DYNC2H1: variants seen among roughly 807,000 people sequenced by gnomAD.
DYNC2H1 encodes dynein cytoplasmic 2 heavy chain 1, also known as cytoplasmic dynein 2 heavy chain 1.
DYNC2H1 carries 410 observed loss-of-function variants against 570.0 expected under a neutral mutation model. The ratio of observed to expected loss-of-function variants is 0.72; its 90% CI spans 0.66 to 0.78. The LOEUF (loss-of-function observed/expected upper bound fraction) is 0.78, where lower values mean the gene tolerates loss of function less well. Among genes scored for constraint, DYNC2H1 ranks in the 30% least tolerant of loss-of-function variants. The pLI is 0.00. For synonymous variants in DYNC2H1, 1,688 were observed against 1,677.6 expected (o/e 1.01, Z -0.15); for missense variants, 4,865 against 5,046.4 (o/e 0.96, Z 1.09).
In DYNC2H1 at chr11:103,171,054, C is replaced by A. The variant is rs1257935302; in HGVS notation, c.5320C>A (p.Leu1774Met). ...ALKNHRTVCELLGKEVEVNSN... is the reference protein window; with the variant it reads ...ALKNHRTVCEMLGKEVEVNSN... ...GAAGAATCATAGAACTGTATGTGAACTGCTTGGCAAGGAGGTATAGAATAT... is the reference window on the plus strand; with the variant it reads ...GAAGAATCATAGAACTGTATGTGAAATGCTTGGCAAGGAGGTATAGAATAT... Residue 1774 changes from leucine to methionine, a missense_variant, in exon 34 of 89, where the codon CTG becomes ATG. By Grantham distance (15) the Leu-to-Met change is conservative (BLOSUM62 2). Transcript: ENST00000375735. 1 of 1,598,208 alleles carries A rather than the reference C, an allele frequency of 6.3e-7. No homozygotes were observed. Among genetic ancestry groups the A allele is most frequent in the South Asian group, 1.1e-5 (1 of 88,242 alleles).
At chr11:103,294,325 T>A (rs1418712485) in intron 75 of DYNC2H1, among the ~76,000 whole-genome samples, 2 of 152,020 alleles carry the variant, frequency 1.3e-5, no homozygotes, top group Non-Finnish European at 2.9e-5. Context: ...GTCTTCAGAG[T>A]CTGGACTTGT....
intron 83 of DYNC2H1, among the ~76,000 whole-genome samples, chr11:103,373,845 C>CT (rs1419652500): frequency 6.6e-6 from 1 of 152,022 alleles, no homozygotes; most frequent in Non-Finnish European, 1.5e-5. Context: ...ATAATATGTG[C>CT]TTTTTATATT....
intron 82 of DYNC2H1, among the ~76,000 whole-genome samples, chr11:103,330,721 T>A (rs1938741252): frequency 6.6e-6 from 1 of 151,914 alleles, no homozygotes; most frequent in African/African-American, 2.4e-5. Context: ...GCTATTCTCT[T>A]CATCTCCTTC....
intron 37 of DYNC2H1, among the ~76,000 whole-genome samples, 182 bp downstream of exon 37, chr11:103,176,616 A>C (rs1358947883): frequency 6.6e-6 from 1 of 152,086 alleles, no homozygotes; most frequent in African/African-American, 2.4e-5. Flanking sequence ...GCTCTTATCA[A>C]ATATTCTTGT....
At chr11:103,121,208 T>C (rs1180069783) in intron 9 of DYNC2H1, among the ~76,000 whole-genome samples, 164 bp from the exon 10 acceptor site, 2 of 152,242 alleles carry the variant, frequency 1.3e-5, no homozygotes, top group Non-Finnish European at 2.9e-5. Context: ...TAACAAGTTA[T>C]TATAATTCGC....
rs1862633305 is a variant in DYNC2H1 at position 103,199,491 on chromosome 11, C to A, written c.8088+15C>A. The A allele has an allele frequency of 2.6e-6, 4 of 1,535,902 alleles. No individual in the cohort carries two copies. Among genetic ancestry groups the A allele is most frequent in the Non-Finnish European group, 3.5e-6 (4 of 1,140,992 alleles). On this transcript the variant is annotated intron_variant, in intron 49 of 88. Coordinates refer to ENST00000375735, the MANE Select transcript of DYNC2H1 (RefSeq NM_001377.3). This position sits in a 1 kb window ranked among gnomAD's most constrained non-coding sequence, Gnocchi z 4.6. The stretch of plus-strand genomic sequence containing the variant: ...ATCTCAAACATGTGAGTTGCCCACT[C>A]TCTTTTGCTTTATTTGGTTTTAAAT...
At position 103,323,898 on chromosome 11, in the gene DYNC2H1, G is replaced by A; in HGVS notation, c.11947G>A (p.Val3983Ile). 1 of 1,612,188 alleles carries A rather than the reference G, an allele frequency of 6.2e-7. No homozygotes were observed. Among genetic ancestry groups the A allele is most frequent in the Non-Finnish European group, 8.5e-7 (1 of 1,178,852 alleles). The change falls in exon 82 of 89, where the codon GTC (valine) becomes ATC (isoleucine). Residue 3983 changes from valine (V) to isoleucine (I), a missense_variant. Val to Ile is a conservative substitution (Grantham distance 29). This residue lies in a region of DYNC2H1 where 2,401 missense variants were observed against 2,454.6 expected (regional missense o/e 0.98). Coordinates refer to ENST00000375735, the MANE Select transcript of DYNC2H1 (RefSeq NM_001377.3). The part of the protein sequence containing the change: ...QSCSILDYRA[V>I]IEKIPEDDKP... ...TCTTTATATTTAGGACTATCGTGCT[G>A]TCATTGAGAAAATTCCAGAGGACGA...
In DYNC2H1 at chr11:103,186,378, G is replaced by T. The variant is rs759771868; in HGVS notation, c.6770G>T (p.Gly2257Val). 2 of 1,612,800 alleles carry T rather than the reference G, an allele frequency of 1.2e-6. No homozygotes were observed. Among genetic ancestry groups the T allele is most frequent in the South Asian group, 2.2e-5 (2 of 91,070 alleles). The change falls in exon 42 of 89, where the codon GGC (glycine) becomes GTC (valine). Residue 2257 changes from glycine (G) to valine (V), a missense_variant. Transcript: ENST00000375735. The surrounding 1 kb of genome is among the most constrained non-coding windows in gnomAD (Gnocchi z 4.5). ...EDLTADDFSN[G>V]LTLPVIQTPD... ...TTGACTGCTGATGATTTCAGTAACG[G>T]CTTAACTCTTCCAGTCATTCAGACT...
intron 83 of DYNC2H1, among the ~76,000 whole-genome samples, chr11:103,381,927 T>G (rs954551335): frequency 7.9e-5 from 12 of 152,350 alleles, no homozygotes; most frequent in African/African-American, 2.9e-4. Flanking sequence ...TAACATCTTA[T>G]TTTTGTGTAA....
At chr11:103,110,570 C>T (rs1858066337) in intron 1 of DYNC2H1, among the ~76,000 whole-genome samples, 2 of 152,046 alleles carry the variant, frequency 1.3e-5, no homozygotes, top group South Asian at 2.1e-4. Context: ...ATGTGATATA[C>T]TGATTTATTA....
intron 83 of DYNC2H1, among the ~76,000 whole-genome samples, chr11:103,377,931 T>C (rs1809844898): frequency 1.2e-5 from 1 of 82,340 alleles, no homozygotes; most frequent in Non-Finnish European, 2.8e-5. Flanking sequence ...GAGACAGGGT[T>C]TCACCATGTT....
intron 13 of DYNC2H1, among the ~76,000 whole-genome samples, chr11:103,132,090 A>G (rs1859307896): frequency 6.6e-6 from 1 of 152,110 alleles, no homozygotes; most frequent in Non-Finnish European, 1.5e-5. Flanking sequence ...TATAATGCTT[A>G]GGAAGCATGT....
At chr11:103,316,321 TA>T (rs1937837658) in intron 79 of DYNC2H1, among the ~76,000 whole-genome samples, 1 of 152,058 alleles carries the variant, frequency 6.6e-6, no homozygotes, top group Non-Finnish European at 1.5e-5. Flanking sequence ...CATAACTAAC[TA>T]AAACTAGTAT....
rs377283662 is a variant in DYNC2H1, at chr11:103,171,086, A to T, written c.5334+18A>T. 6.5e-7 allele frequency: 1 copy of T among 1,531,576 alleles called. No individual in the cohort carries two copies. Among genetic ancestry groups the T allele is most frequent in the African/African-American group, 1.4e-5 (1 of 73,004 alleles). 94.9% of individuals were successfully genotyped at this position (1,531,576 alleles called of 1,614,324 possible). ...GCAAGGAGGTATAGAATATGTTGGG[A>T]ATTTAAAGAATTAAAATATTTTGTA... On this transcript the variant is annotated intron_variant, in intron 34 of 88. Transcript: ENST00000375735.
At chr11:103,271,792 C>T (rs921275008) in intron 70 of DYNC2H1, among the ~76,000 whole-genome samples, 1 of 152,162 alleles carries the variant, frequency 6.6e-6, no homozygotes, top group Admixed American at 6.5e-5. Flanking sequence ...TAAAAGAAGA[C>T]ATTTATGCAG....
At chr11:103,384,484 T>C (rs12803031) in intron 83 of DYNC2H1, among the ~76,000 whole-genome samples, 7,899 of 152,172 alleles carry the variant, frequency 0.052, 382 homozygotes, top group East Asian at 0.19. Flanking sequence ...TTGGATTAAT[T>C]ATACATTTTA....
In DYNC2H1 at chr11:103,244,887, A is replaced by G. The variant is rs547027811; in HGVS notation, c.9919-364A>G. On this transcript the variant is annotated intron_variant, in intron 64 of 88. Transcript: ENST00000375735. The surrounding 1 kb of genome is among the most constrained non-coding windows in gnomAD (Gnocchi z 4.3). ...ATATATATATACACACACATACCAC[A>G]CATACACACACACATACACACGCCT... 6.6e-6 allele frequency among the ~76,000 whole-genome samples: 1 copy of G among 151,372 alleles called. No individual in the cohort carries two copies. Among genetic ancestry groups the G allele is most frequent in the Non-Finnish European group, 1.5e-5 (1 of 67,738 alleles).
intron 61 of DYNC2H1, 122 bp from the exon 62 acceptor site, chr11:103,235,550 C>T (rs574677964): frequency 2.0e-5 from 17 of 843,752 alleles, no homozygotes; most frequent in Admixed American, 1.1e-4. Flanking sequence ...TTGACTGTTA[C>T]ATTCAAAACA....
intron 5 of DYNC2H1, 129 bp from the exon 6 acceptor site, chr11:103,117,502 G>A: frequency 1.5e-6 from 1 of 672,836 alleles, no homozygotes; most frequent in Non-Finnish European, 2.3e-6. Flanking sequence ...GGACATGCAT[G>A]TGGTATTTCA....
Sources: gnomAD v4.1 joint callset for allele counts (sites outside exome capture counted in the v4.1 genomes callset) on GRCh38, gnomAD v4.1.1 for gene constraint, gnomAD v4.1.1 regional missense constraint, Gnocchi (gnomAD v3.1) non-coding constraint, MANE v1.5 for transcripts, NCBI Gene and HGNC (gene_info 2026-07-23, HGNC 2026-07-21) for gene names.